The following CNTNAP5 variants were observed in gnomAD, a reference collection of about 807,000 sequenced individuals.
CNTNAP5 encodes contactin associated protein family member 5, also known as contactin-associated protein-like 5.
Under a neutral mutation model 150.2 loss-of-function variants are expected in CNTNAP5, and 72 were observed. That is an observed-to-expected ratio of 0.48 (90% confidence interval 0.40 to 0.58). The LOEUF (loss-of-function observed/expected upper bound fraction) is 0.58. Ranked by LOEUF, CNTNAP5 falls within the 20% of genes least tolerant of loss-of-function variation. The probability of loss-of-function intolerance (pLI) is 0.00; values close to 1 mark genes in which losing one functional copy is unlikely to be tolerated. For synonymous variants in CNTNAP5, 672 were observed against 619.8 expected (o/e 1.08, Z -1.25); for missense variants, 1,636 against 1,626.2 (o/e 1.01, Z -0.10).
At chr2:124,660,347 C>T (rs986461939) in intron 13 of CNTNAP5, among the ~76,000 whole-genome samples, 9 of 152,136 alleles carry the variant, frequency 5.9e-5, no homozygotes, top group Non-Finnish European at 1.3e-4. Context: ...AAGAAAGACA[C>T]TAACACTTAG....
intron 1 of CNTNAP5, among the ~76,000 whole-genome samples, chr2:124,073,288 A>T (rs1206628256): frequency 6.6e-6 from 1 of 152,166 alleles, no homozygotes; most frequent in East Asian, 1.9e-4. Flanking sequence ...ACTCCCCAGG[A>T]TATTGGTCTG....
intron 2 of CNTNAP5, 102 bp from the exon 3 acceptor site, chr2:124,242,098 C>A: frequency 1.1e-6 from 1 of 922,518 alleles, no homozygotes; most frequent in South Asian, 1.6e-5. Flanking sequence ...GGGGTAGAGT[C>A]ATCTTAGTTG....
intron 10 of CNTNAP5, among the ~76,000 whole-genome samples, chr2:124,554,664 C>T (rs1047410679): frequency 1.3e-5 from 2 of 152,088 alleles, no homozygotes; most frequent in African/African-American, 4.8e-5. Context: ...TCAAGCAATC[C>T]TCCTGCCTCG....
intron 1 of CNTNAP5, among the ~76,000 whole-genome samples, chr2:124,131,771 T>C (rs1489479600): frequency 1.3e-5 from 2 of 152,176 alleles, no homozygotes; most frequent in Non-Finnish European, 2.9e-5. Context: ...TTATAAGCAT[T>C]CTTCTATTTG....
chr2:124,561,149 G>C (rs62172643), intron 10 of CNTNAP5, among the ~76,000 whole-genome samples: 84,589 of 151,402 alleles, frequency 0.56, 24,622 homozygotes, highest in Non-Finnish European at 0.62. Context: ...GGCAAAAGGA[G>C]GTGTGGAAAG....
At chr2:124,032,126 C>T (rs1681069889) in intron 1 of CNTNAP5, among the ~76,000 whole-genome samples, 1 of 152,094 alleles carries the variant, frequency 6.6e-6, no homozygotes, top group African/African-American at 2.4e-5. Context: ...TTAGTCATGT[C>T]AGAGTGATAA....
intron 1 of CNTNAP5, among the ~76,000 whole-genome samples, chr2:124,101,629 A>G (rs1683065257): frequency 6.6e-6 from 1 of 152,194 alleles, no homozygotes. Flanking sequence ...AGTTCAGATA[A>G]GGCTTTTTCC....
At chr2:124,687,781 T>C (rs1040536742) in intron 13 of CNTNAP5, among the ~76,000 whole-genome samples, 1 of 152,154 alleles carries the variant, frequency 6.6e-6, no homozygotes, top group Admixed American at 6.6e-5. Context: ...AGAATAATCA[T>C]TTGTAATATT....
intron 3 of CNTNAP5, among the ~76,000 whole-genome samples, chr2:124,295,569 T>C (rs1573897777): frequency 6.6e-6 from 1 of 152,138 alleles, no homozygotes; most frequent in Non-Finnish European, 1.5e-5. Context: ...TATTTATAGA[T>C]GTTGTTTCTG....
chr2:124,243,713 T>C (rs2104770469), intron 3 of CNTNAP5, among the ~76,000 whole-genome samples: 1 of 152,182 alleles, frequency 6.6e-6, no homozygotes, highest in South Asian at 2.1e-4. Flanking sequence ...GGGTACTGTG[T>C]TCAAAACCTG....
chr2:124,801,505 CTATT>C (rs1176529880), intron 19 of CNTNAP5, among the ~76,000 whole-genome samples: 1 of 152,146 alleles, frequency 6.6e-6, no homozygotes, highest in African/African-American at 2.4e-5. Context: ...TAATGCATGA[CTATT>C]TGTTGGAGAA....
At chr2:124,360,339 G>C (rs1304894079) in intron 3 of CNTNAP5, among the ~76,000 whole-genome samples, 1 of 149,450 alleles carries the variant, frequency 6.7e-6, no homozygotes. Flanking sequence ...GTGTGAATTT[G>C]ATCCTGTCAT....
intron 3 of CNTNAP5, among the ~76,000 whole-genome samples, chr2:124,403,191 T>C (rs755214537): frequency 3.3e-5 from 5 of 152,244 alleles, no homozygotes; most frequent in Admixed American, 6.5e-5. Flanking sequence ...ACATTCCTTA[T>C]ATGTAGCTCG....
chr2:124,151,799 A>G (rs1448889226), intron 1 of CNTNAP5, among the ~76,000 whole-genome samples: 1 of 152,180 alleles, frequency 6.6e-6, no homozygotes, highest in Non-Finnish European at 1.5e-5. Flanking sequence ...CAGACCCAGG[A>G]ATCAATAACA....
At chr2:124,562,656 C>G (rs1030356071) in intron 10 of CNTNAP5, among the ~76,000 whole-genome samples, 3 of 152,024 alleles carry the variant, frequency 2.0e-5, no homozygotes, top group Admixed American at 6.6e-5. Context: ...GTAGTGAAGC[C>G]TTTGTTTTAA....
chr2:124,698,700 T>C (rs546128355), intron 13 of CNTNAP5, among the ~76,000 whole-genome samples: 1 of 152,172 alleles, frequency 6.6e-6, no homozygotes, highest in East Asian at 1.9e-4. Flanking sequence ...GCAGGTGCTT[T>C]CCACTGCTGA....
intron 13 of CNTNAP5, among the ~76,000 whole-genome samples, chr2:124,650,575 GGATA>G (rs1558720021): frequency 6.6e-6 from 1 of 152,174 alleles, no homozygotes; most frequent in Non-Finnish European, 1.5e-5. Flanking sequence ...AAGCAGAGGA[GGATA>G]GAGGCCATCT....
intron 13 of CNTNAP5, among the ~76,000 whole-genome samples, chr2:124,685,770 G>A (rs748740982): frequency 1.6e-3 from 249 of 151,646 alleles, no homozygotes; most frequent in Middle Eastern, 6.8e-3. Context: ...GTGCGCGCGC[G>A]TGTTATTGAG....
At chr2:124,900,422 A>G (rs752934546) in intron 21 of CNTNAP5, among the ~76,000 whole-genome samples, 2 of 151,402 alleles carry the variant, frequency 1.3e-5, no homozygotes, top group Non-Finnish European at 2.9e-5. Context: ...CATGCAGAGC[A>G]TATTTTCTCC....
Sources: allele counts gnomAD v4.1 joint callset (sites outside exome capture counted in the v4.1 genomes callset), GRCh38; gene constraint gnomAD v4.1.1; transcripts MANE v1.5; gene names NCBI Gene and HGNC (gene_info 2026-07-23, HGNC 2026-07-21).